Variants in BMP6 observed in about 807,000 individuals in gnomAD.
BMP6 encodes VG-1-R.
A neutral mutation model predicts 54.1 loss-of-function variants in BMP6; 17 were observed. The observed-to-expected ratio is 0.31, with a 90% CI of 0.22 to 0.47. The LOEUF is 0.47. Among genes scored for constraint, BMP6 ranks in the 20% least tolerant of loss-of-function variants. The pLI is 1.00. For synonymous variants in BMP6, 328 were observed against 291.2 expected (o/e 1.13, Z -1.28); for missense variants, 720 against 690.4 (o/e 1.04, Z -0.48).
intron 1 of BMP6, among the ~76,000 whole-genome samples, chr6:7,766,842 CAA>C (rs1290216532): frequency 2.6e-5 from 4 of 151,938 alleles, no homozygotes; most frequent in African/African-American, 9.7e-5. Flanking sequence ...TGCTCTATTT[CAA>C]AAAAGTCAAA....
At chr6:7,841,053 A>C (rs1423524301) in intron 1 of BMP6, among the ~76,000 whole-genome samples, 1 of 152,222 alleles carries the variant, frequency 6.6e-6, no homozygotes, top group African/African-American at 2.4e-5. Context: ...TGATTATCAC[A>C]GCTAACATTG....
At chr6:7,834,982 C>T (rs536384258) in intron 1 of BMP6, among the ~76,000 whole-genome samples, 1 of 152,290 alleles carries the variant, frequency 6.6e-6, no homozygotes, top group Non-Finnish European at 1.5e-5. Flanking sequence ...AGATGAACTA[C>T]GACGGCATCT....
At chr6:7,813,654 A>C (rs1758475689) in intron 1 of BMP6, among the ~76,000 whole-genome samples, 2 of 142,696 alleles carry the variant, frequency 1.4e-5, no homozygotes, top group African/African-American at 5.2e-5. Flanking sequence ...AAAAAAAAAA[A>C]AAAAAAAAAA....
At position 7,880,529 on chromosome 6, in the gene BMP6, G is replaced by GT. The variant is rs1759700754; in HGVS notation, c.*187dup. On this transcript the variant is annotated 3_prime_UTR_variant, in exon 7 of 7. Transcript: ENST00000283147. ...ATAATTTGCTCACTTGGTAAATGACGTGAGTAGTTGTTGGTCTGTAGCAAG... is the reference window on the plus strand; with the variant it reads ...ATAATTTGCTCACTTGGTAAATGACGTTGAGTAGTTGTTGGTCTGTAGCAAG... The GT allele has an allele frequency of 3.9e-6, 3 of 764,150 alleles. No individual in the cohort carries two copies. Among genetic ancestry groups the GT allele is most frequent in the Non-Finnish European group, 2.1e-6 (1 of 484,146 alleles). 47.3% of individuals were successfully genotyped at this position (764,150 alleles called of 1,614,324 possible).
chr6:7,867,186 T>G (rs1262232165), intron 4 of BMP6, among the ~76,000 whole-genome samples: 2 of 152,098 alleles, frequency 1.3e-5, no homozygotes, highest in Admixed American at 6.5e-5. Flanking sequence ...TTTTGTAGAG[T>G]AAGTTCTCCT....
At position 7,863,884 on chromosome 6, in the gene BMP6, G is replaced by A. The variant is rs553927975; in HGVS notation, c.1204+1386G>A. On this transcript the variant is annotated intron_variant, in intron 4 of 6. Transcript: ENST00000283147. ...AAATACAAAAAATTAGCTGGGTGTG[G>A]TGGCATGTGCCTGTAATCCCAGCTA... is the stretch of plus-strand genomic sequence containing the variant. Among the ~76,000 whole-genome samples, 4 of 152,238 alleles carry A rather than the reference G, an allele frequency of 2.6e-5. No homozygotes were observed. The East Asian group carries it at 7.7e-4, about 29-fold the overall frequency.
chr6:7,737,692 T>C (rs747924394), intron 1 of BMP6, among the ~76,000 whole-genome samples: 3 of 152,146 alleles, frequency 2.0e-5, no homozygotes, highest in Non-Finnish European at 4.4e-5. Context: ...CCATTGCACT[T>C]ATTTCCACTT....
chr6:7,816,213 G>C (rs6912058), intron 1 of BMP6, among the ~76,000 whole-genome samples: 1 of 152,188 alleles, frequency 6.6e-6, no homozygotes, highest in African/African-American at 2.4e-5. Context: ...CTGACAAATG[G>C]ATTAAGAAGG....
chr6:7,743,446 C>T (rs926294949), intron 1 of BMP6, among the ~76,000 whole-genome samples: 2 of 152,176 alleles, frequency 1.3e-5, no homozygotes, highest in Non-Finnish European at 2.9e-5. Context: ...CTGCTATTCT[C>T]CTCTCAGTGT....
At chr6:7,862,615 T>C (rs1581284132) in intron 4 of BMP6, 117 bp downstream of exon 4, 4 of 1,297,034 alleles carry the variant, frequency 3.1e-6, no homozygotes, top group Non-Finnish European at 4.3e-6. Context: ...CAAAGGCAAA[T>C]AGGTGTCATA....
At chr6:7,770,803 C>T (rs1011127897) in intron 1 of BMP6, among the ~76,000 whole-genome samples, 2 of 152,226 alleles carry the variant, frequency 1.3e-5, no homozygotes, top group Non-Finnish European at 2.9e-5. Context: ...TGAAGTTCAT[C>T]ACAGCAGTGA....
chr6:7,870,848 C>CA (rs950429881), intron 4 of BMP6, among the ~76,000 whole-genome samples: 2 of 152,192 alleles, frequency 1.3e-5, no homozygotes, highest in Non-Finnish European at 2.9e-5. Context: ...AGGCTGGTCT[C>CA]AAACTCCTGA....
rs760999142 is a variant in BMP6, at chr6:7,862,312, C to T, written c.1018C>T (p.His340Tyr). 1 of 1,614,210 alleles carries T rather than the reference C, an allele frequency of 6.2e-7. No homozygotes were observed. Among genetic ancestry groups the T allele is most frequent in the South Asian group, 1.1e-5 (1 of 91,082 alleles). Residue 340 changes from histidine (H) to tyrosine (Y), a missense_variant, in exon 4 of 7, where the codon CAC becomes TAC. This residue lies in a region of BMP6 where 650 missense variants were observed against 556.3 expected (regional missense o/e 1.17). Transcript: ENST00000283147. Reference protein sequence around the residue: ...SVVTRDGVHVHPRAAGLVGRD... With the variant: ...SVVTRDGVHVYPRAAGLVGRD... ...GATTTGCATTAAAGGAGTCCACGTCCACCCCCGAGCCGCAGGCCTGGTGGG... is the reference window on the plus strand; with the variant it reads ...GATTTGCATTAAAGGAGTCCACGTCTACCCCCGAGCCGCAGGCCTGGTGGG...
chr6:7,863,599 A>G (rs533124751), intron 4 of BMP6, among the ~76,000 whole-genome samples: 1 of 152,226 alleles, frequency 6.6e-6, no homozygotes, highest in East Asian at 1.9e-4. Flanking sequence ...GCCAGACCTG[A>G]ACTGTGTGCT....
intron 1 of BMP6, among the ~76,000 whole-genome samples, chr6:7,734,613 A>G (rs1761924888): frequency 6.6e-6 from 1 of 152,230 alleles, no homozygotes; most frequent in African/African-American, 2.4e-5. Flanking sequence ...GTATATCTAT[A>G]AATGTCCAAA....
At chr6:7,844,667 C>T (rs981587431) in intron 1 of BMP6, among the ~76,000 whole-genome samples, 4 of 151,948 alleles carry the variant, frequency 2.6e-5, no homozygotes, top group African/African-American at 9.7e-5. Context: ...TTGGTTATGT[C>T]AACTGCTGAT....
Position 7,862,442 on chromosome 6 carries a change from A to G in BMP6, c.1148A>G (p.Gln383Arg). Residue 383 changes from glutamine (Q) to arginine (R), a missense_variant, in exon 4 of 7, where the codon CAG becomes CGG. By Grantham distance (43) the Gln-to-Arg change is conservative (BLOSUM62 1). Coordinates refer to ENST00000283147, the MANE Select transcript of BMP6 (RefSeq NM_001718.6). ...TRSASSRRRQ[Q>R]SRNRSTQSQD... ...TCAGCCTCCAGCCGGCGCCGACAAC[A>G]GAGTCGTAATCGCTCTACCCAGTCC... 1 of 1,614,204 alleles carries G rather than the reference A, an allele frequency of 6.2e-7. No individual in the cohort carries two copies. The highest frequency in any genetic ancestry group is 8.5e-7 in the Non-Finnish European group (1 of 1,180,046).
At chr6:7,792,352 G>A (rs72827088) in intron 1 of BMP6, among the ~76,000 whole-genome samples, 29,812 of 152,074 alleles carry the variant, frequency 0.2, 3,346 homozygotes, top group African/African-American at 0.3. Context: ...ACTGGGGACC[G>A]TACCCTTGCT....
chr6:7,747,748 G>T (rs1376188295), intron 1 of BMP6, among the ~76,000 whole-genome samples: 3 of 152,148 alleles, frequency 2.0e-5, no homozygotes, highest in Admixed American at 2.0e-4. Context: ...CCGGGCTCAA[G>T]CGATCCTCTC....
Sources: gnomAD v4.1 joint callset for allele counts (sites outside exome capture counted in the v4.1 genomes callset) on GRCh38, gnomAD v4.1.1 for gene constraint, gnomAD v4.1.1 regional missense constraint, MANE v1.5 for transcripts, NCBI Gene and HGNC (gene_info 2026-07-23, HGNC 2026-07-21) for gene names.